The following MDN1 variants were observed in gnomAD, a reference collection of about 807,000 sequenced individuals.
MDN1 encodes midasin.
Under a neutral mutation model 669.2 loss-of-function variants are expected in MDN1, and 266 were observed. That is an observed-to-expected ratio of 0.40 (90% CI 0.36 to 0.44). The LOEUF (loss-of-function observed/expected upper bound fraction) is 0.44, where lower values mean the gene tolerates loss of function less well. Among genes scored for constraint, MDN1 ranks in the 20% least tolerant of loss-of-function variants. MDN1 has a pLI of 1.00. For synonymous variants in MDN1, 2,385 were observed against 2,457.1 expected (o/e 0.97, Z 0.87); for missense variants, 5,940 against 6,754.0 (o/e 0.88, Z 4.22).
chr6:89,790,079 AT>A, intron 6 of MDN1, 79 bp downstream of exon 6: 1 of 1,602,978 alleles, frequency 6.2e-7, no homozygotes, highest in Non-Finnish European at 8.5e-7. Context: ...CTATTGTTAT[AT>A]TCCCTTAGCA....
intron 23 of MDN1, 53 bp downstream of exon 23, chr6:89,751,378 T>C: frequency 6.2e-7 from 1 of 1,603,040 alleles, no homozygotes; most frequent in Non-Finnish European, 8.5e-7. Context: ...CAAAATGTCA[T>C]CAATGCCTAT....
Position 89,762,527 on chromosome 6 carries a change from A to G in MDN1, c.2148T>C (p.Tyr716=). 1 of 1,608,500 alleles carries G rather than the reference A, an allele frequency of 6.2e-7. No individual in the cohort carries two copies. Among genetic ancestry groups the G allele is most frequent in the Non-Finnish European group, 8.5e-7 (1 of 1,176,182 alleles). The change falls in exon 16 of 102, where the codon TAT becomes TAC. Residue 716 remains tyrosine (Y), a synonymous_variant. Coordinates refer to ENST00000369393, the MANE Select transcript of MDN1 (RefSeq NM_014611.3). ...QSDTADLLGG[Y]KPVDHKLIWL... ...AAATAAGCTTATGGTCCACCGGTTT[A>G]TAACTGAAACAGACACAGGTAAATG... is the stretch of plus-strand genomic sequence containing the variant.
Position 89,716,715 on chromosome 6 carries a change from G to C in MDN1, c.6678C>G (p.Asp2226Glu), listed in dbSNP as rs772176880. The stretch of plus-strand genomic sequence containing the variant: ...ACTTCAGGGCCTGAACCAACATGCT[G>C]TCAACCCATTCAAATGTGCCATGGC... ...GHSHGTFEWV[D>E]SMLVQALKSG... The change falls in exon 44 of 102, where the codon GAC (aspartate) becomes GAG (glutamate). Residue 2226 changes from aspartate (D) to glutamate (E), a missense_variant. Coordinates refer to ENST00000369393, the MANE Select transcript of MDN1 (RefSeq NM_014611.3). 4.3e-6 allele frequency: 7 copies of C among 1,613,966 alleles called. No individual in the cohort carries two copies. In the Admixed American group the frequency reaches 1.2e-4, roughly 27 times the overall value.
intron 34 of MDN1, 85 bp from the exon 35 acceptor site, chr6:89,731,008 C>T (rs1476522846): frequency 2.0e-5 from 26 of 1,272,216 alleles, no homozygotes; most frequent in Middle Eastern, 1.9e-4. Flanking sequence ...CACAGGTTCC[C>T]GGAAAAAAGA....
chr6:89,710,152 A>C (rs969483379), intron 50 of MDN1, among the ~76,000 whole-genome samples: 10 of 152,168 alleles, frequency 6.6e-5, no homozygotes, highest in African/African-American at 2.2e-4. Flanking sequence ...CTTCCTACTA[A>C]CGATACTGGT....
intron 33 of MDN1, among the ~76,000 whole-genome samples, chr6:89,734,690 CAAGAGAGAGAGAGAGA>C (rs1262009364): frequency 8.9e-6 from 1 of 112,890 alleles, no homozygotes; most frequent in Non-Finnish European, 1.7e-5. Context: ...AAAAAAAAAA[CAAGAGAGAGAGAGAGA>C]GAGAGAGAGA....
chr6:89,768,329 A>T (rs1817906330), intron 15 of MDN1, among the ~76,000 whole-genome samples: 1 of 152,122 alleles, frequency 6.6e-6, no homozygotes, highest in African/African-American at 2.4e-5. Context: ...AATAAGTCTC[A>T]TGAGATTAGA....
At chr6:89,717,053 G>A (rs1463594303) in intron 43 of MDN1, among the ~76,000 whole-genome samples, 1 of 152,210 alleles carries the variant, frequency 6.6e-6, no homozygotes, top group East Asian at 1.9e-4. Flanking sequence ...GATAGAGGTG[G>A]CAAATGATTT....
chr6:89,706,762 C>A (rs1813541854), intron 52 of MDN1, among the ~76,000 whole-genome samples: 1 of 151,922 alleles, frequency 6.6e-6, no homozygotes, highest in South Asian at 2.1e-4. Context: ...ATATTTTATA[C>A]AAGTATTTAA....
At chr6:89,691,710 A>C (rs1315625613) in intron 63 of MDN1, among the ~76,000 whole-genome samples, 1 of 152,228 alleles carries the variant, frequency 6.6e-6, no homozygotes, top group Non-Finnish European at 1.5e-5. Flanking sequence ...ATCACTATAC[A>C]TGAAGTTTTT....
In MDN1 at chr6:89,702,016, C is replaced by G. The variant is rs199617361; in HGVS notation, c.8194G>C (p.Asp2732His). 20 of 1,613,658 alleles carry G rather than the reference C, an allele frequency of 1.2e-5. No individual in the cohort carries two copies. Among genetic ancestry groups the G allele is most frequent in the Non-Finnish European group, 1.6e-5 (19 of 1,179,748 alleles). ...RWRDRFWTVA[D>H]TVKVDAPGLA... Reference sequence around the variant, plus strand: ...CCTGGGGCATCTACTTTTACTGTGTCGGCCACAGTCCAGAACCGGTCCCGC... The same window carrying G: ...CCTGGGGCATCTACTTTTACTGTGTGGGCCACAGTCCAGAACCGGTCCCGC... The change falls in exon 54 of 102, where the codon GAC becomes CAC. Residue 2732 changes from aspartate to histidine, a missense_variant. Asp to His is a moderately conservative substitution (Grantham distance 81). This residue lies in a region of MDN1 where 2,292 missense variants were observed against 2,638.3 expected (regional missense o/e 0.87). Coordinates refer to ENST00000369393, the MANE Select transcript of MDN1 (RefSeq NM_014611.3).
At chr6:89,737,523 G>A (rs577866642) in intron 33 of MDN1, among the ~76,000 whole-genome samples, 21 of 151,830 alleles carry the variant, frequency 1.4e-4, no homozygotes, top group African/African-American at 4.8e-4. Flanking sequence ...ACCAATACAG[G>A]CTTCAAAAAC....
chr6:89,799,576 C>T (rs913381515), intron 2 of MDN1, among the ~76,000 whole-genome samples: 73 of 151,866 alleles, frequency 4.8e-4, no homozygotes, highest in African/African-American at 1.4e-3. Flanking sequence ...CCAGCTACTT[C>T]GGAGGCTGAG....
intron 51 of MDN1, among the ~76,000 whole-genome samples, chr6:89,707,824 T>A (rs180782392): frequency 7.6e-4 from 115 of 152,276 alleles, no homozygotes; most frequent in African/African-American, 2.6e-3. Context: ...CCCTCTGAGG[T>A]ACACACTATA....
chr6:89,762,838 T>C (rs1817624545), intron 15 of MDN1, among the ~76,000 whole-genome samples: 1 of 152,192 alleles, frequency 6.6e-6, no homozygotes, highest in Non-Finnish European at 1.5e-5. Flanking sequence ...CCAGATCACT[T>C]GAGCCCAGGA....
rs188357405 is a variant in MDN1, at chr6:89,813,010, G to A, written c.102+6496C>T. The stretch of plus-strand genomic sequence containing the variant: ...GGCTGGAGTGCAATGGCGCGATCTC[G>A]GCTCACCACAACCTCTGCCTCCCAG... On this transcript the variant is annotated intron_variant, in intron 1 of 101. Transcript: ENST00000369393. Among the ~76,000 whole-genome samples the A allele has an allele frequency of 3.7e-3, 558 of 151,842 alleles. 1 individual carries two copies. Among genetic ancestry groups the A allele is most frequent in the South Asian group, 0.013 (63 of 4,796 alleles).
chr6:89,658,702 C>T lies in MDN1; in HGVS notation c.14929G>A (p.Glu4977Lys). Residue 4977 changes from glutamate to lysine, a missense_variant, in exon 89 of 102, where the codon GAG (glutamate) becomes AAG (lysine). Physicochemically the swap from Glu to Lys is moderately conservative, Grantham distance 56. This residue lies in a region of MDN1 where 2,280 missense variants were observed against 2,576.3 expected (regional missense o/e 0.88). Transcript: ENST00000369393. ...TCCTCCACAGACTGCTGCTGCTCCT[C>T]AGAGTGTTCTTCAGGATGCTGAGCA... Reference protein sequence around the residue: ...DAAQHPEEHSEEQQQSVEEKD... With the variant: ...DAAQHPEEHSKEQQQSVEEKD... The T allele has an allele frequency of 1.2e-6, 2 of 1,614,210 alleles. No individual in the cohort carries two copies. Among genetic ancestry groups the T allele is most frequent in the Non-Finnish European group, 1.7e-6 (2 of 1,180,036 alleles).
Position 89,781,527 on chromosome 6 carries a change from T to C in MDN1, c.1515A>G (p.Gln505=), listed in dbSNP as rs756165002. The change falls in exon 10 of 102, where the codon CAA becomes CAG. Residue 505 remains glutamine (Q), a synonymous_variant. Transcript: ENST00000369393. Reference sequence around the variant, plus strand: ...AAGAGTGATGTTTCTCTCCAGTAAGTTGGATATAAATGTCAAGCAGGTGAT... The same window carrying C: ...AAGAGTGATGTTTCTCTCCAGTAAGCTGGATATAAATGTCAAGCAGGTGAT... ...VVDHLLDIYI[Q]LTGEKHHSWS... The C allele has an allele frequency of 5.6e-6, 9 of 1,613,602 alleles. No individual in the cohort carries two copies. Among genetic ancestry groups the C allele is most frequent in the Non-Finnish European group, 7.6e-6 (9 of 1,179,748 alleles).
At chr6:89,735,425 G>A (rs1815908857) in intron 33 of MDN1, among the ~76,000 whole-genome samples, 1 of 147,828 alleles carries the variant, frequency 6.8e-6, no homozygotes, top group African/African-American at 2.5e-5. Flanking sequence ...CCAGGCTGGA[G>A]TGCAATGGTA....
Sources: gnomAD v4.1 joint callset for allele counts (sites outside exome capture counted in the v4.1 genomes callset) on GRCh38, gnomAD v4.1.1 for gene constraint, gnomAD v4.1.1 regional missense constraint, MANE v1.5 for transcripts, NCBI Gene and HGNC (gene_info 2026-07-23, HGNC 2026-07-21) for gene names.